The following PODXL variants were observed in gnomAD, a reference collection of about 807,000 sequenced individuals.
The protein encoded by PODXL is podocalyxin like, also known as podocalyxin.
Under a neutral mutation model 48.9 loss-of-function variants are expected in PODXL, and 20 were observed. That is an observed-to-expected ratio of 0.41 (90% CI 0.29 to 0.59). The LOEUF is 0.59. Among genes scored for constraint, PODXL ranks in the 20% least tolerant of loss-of-function variants. The pLI is 0.31. For missense variants in PODXL, 606 were observed against 675.1 expected (o/e 0.90, Z 1.13); for synonymous variants, 295 against 287.4 (o/e 1.03, Z -0.27).
chr7:131,529,590 A>T (rs1480404226), intron 1 of PODXL, among the ~76,000 whole-genome samples: 7 of 150,282 alleles, frequency 4.7e-5, no homozygotes, highest in African/African-American at 1.7e-4. Flanking sequence ...CCTGCTTACC[A>T]CCCCCAACTC....
chr7:131,504,255 T>A lies in PODXL; in HGVS notation c.*56A>T. The A allele has an allele frequency of 1.4e-6, 2 of 1,460,174 alleles. No homozygotes were observed. Among genetic ancestry groups the A allele is most frequent in the South Asian group, 1.2e-5 (1 of 86,122 alleles). 90.5% of individuals were successfully genotyped at this position (1,460,174 alleles called of 1,614,324 possible). On this transcript the variant is annotated 3_prime_UTR_variant, in exon 9 of 9. Transcript: ENST00000378555. ...TTTCCCTTCCCCATCCAAACGGCACTTGGGGTGGTTGGTCTGGAGCTCTGT... is the reference window on the plus strand; with the variant it reads ...TTTCCCTTCCCCATCCAAACGGCACATGGGGTGGTTGGTCTGGAGCTCTGT...
intron 1 of PODXL, among the ~76,000 whole-genome samples, chr7:131,522,368 C>T (rs1029712838): frequency 1.8e-4 from 28 of 152,170 alleles, no homozygotes; most frequent in African/African-American, 5.5e-4. Context: ...CGCTTGAACC[C>T]GGGAGGTGGA....
intron 5 of PODXL, among the ~76,000 whole-genome samples, chr7:131,507,294 G>T (rs147420176): frequency 4.3e-4 from 66 of 152,352 alleles, no homozygotes; most frequent in Non-Finnish European, 8.5e-4. Context: ...AGGCTGACAG[G>T]GAAGGGGCTC....
At chr7:131,531,228 G>A (rs1798275940) in intron 1 of PODXL, among the ~76,000 whole-genome samples, 1 of 152,124 alleles carries the variant, frequency 6.6e-6, no homozygotes, top group Non-Finnish European at 1.5e-5. Flanking sequence ...CTGGTCTTCT[G>A]CTCTGGAATC....
In PODXL at chr7:131,504,222, CCCCAGTCTTTCCCTT is replaced by C; in HGVS notation, c.*74_*88del. The stretch of plus-strand genomic sequence containing the variant: ...ACACCCCTCGGAGTTCACTCTCCCT[CCCCAGTCTTTCCCTT>C]CCCCATCCAAACGGCACTTGGGGTG... On this transcript the variant is annotated 3_prime_UTR_variant, in exon 9 of 9. Coordinates refer to ENST00000378555, the MANE Select transcript of PODXL (RefSeq NM_001018111.3). 9.1e-7 allele frequency: 1 copy of C among 1,095,142 alleles called. No individual in the cohort carries two copies. The highest frequency in any genetic ancestry group is 1.4e-5 in the South Asian group (1 of 71,566). The allele number at this position is 1,095,142 out of a possible 1,614,324, so 67.8% of individuals were successfully genotyped here. A position where few individuals can be genotyped will look rare whatever the true frequency, so the allele number is the denominator to read the frequency against.
intron 1 of PODXL, among the ~76,000 whole-genome samples, chr7:131,519,501 T>C (rs1014723493): frequency 7.3e-5 from 11 of 150,634 alleles, no homozygotes; most frequent in African/African-American, 2.4e-4. Context: ...ACCAAAGAAA[T>C]AGAAACCAAA....
In PODXL at chr7:131,556,278, G is replaced by A; in HGVS notation, c.82C>T (p.Pro28Ser). The change falls in exon 1 of 9, where the codon CCG becomes TCG. Residue 28 changes from proline (P) to serine (S), a missense_variant. By Grantham distance (74) the Pro-to-Ser change is moderately conservative (BLOSUM62 -1). Transcript: ENST00000378555. The stretch of plus-strand genomic sequence containing the variant: ...CACTCACCATTCTGGGAGGGCGACG[G>A]CGACGGCGACGGCGACGACGGCAGC... ...PLLPSSPSPS[P>S]SPSQNATQTT... 1 of 1,460,200 alleles carries A rather than the reference G, an allele frequency of 6.8e-7. No homozygotes were observed. Among genetic ancestry groups the A allele is most frequent in the South Asian group, 1.3e-5 (1 of 76,002 alleles). The allele number at this position is 1,460,200 out of a possible 1,614,324, so 90.5% of individuals were successfully genotyped here.
At chr7:131,549,636 G>C (rs1222973291) in intron 1 of PODXL, among the ~76,000 whole-genome samples, 1 of 152,226 alleles carries the variant, frequency 6.6e-6, no homozygotes, top group Non-Finnish European at 1.5e-5. Flanking sequence ...GTAGACCCCA[G>C]GTCAGTCCAC....
At chr7:131,537,851 C>T (rs1798404145) in intron 1 of PODXL, among the ~76,000 whole-genome samples, 1 of 152,188 alleles carries the variant, frequency 6.6e-6, no homozygotes, top group Non-Finnish European at 1.5e-5. Flanking sequence ...TTCCCTCACT[C>T]AGCTTTGCTT....
chr7:131,544,651 TGTACTACGCACGCAC>T (rs1562917776), intron 1 of PODXL, among the ~76,000 whole-genome samples: 3,952 of 24,436 alleles, frequency 0.16, 145 homozygotes, highest in African/African-American at 0.18. Context: ...ACGCACGCCC[TGTACTACGCACGCAC>T]GCCCTGTACT....
At chr7:131,533,041 A>T (rs1798309606) in intron 1 of PODXL, among the ~76,000 whole-genome samples, 1 of 152,200 alleles carries the variant, frequency 6.6e-6, no homozygotes, top group South Asian at 2.1e-4. Context: ...CAGAGCTAAG[A>T]CAAGGGGTTC....
Position 131,506,317 on chromosome 7 carries a change from C to T in PODXL, c.1254G>A (p.Lys418=). The change falls in exon 7 of 9, where the codon AAG becomes AAA. Residue 418 remains lysine, a synonymous_variant. Coordinates refer to ENST00000378555, the MANE Select transcript of PODXL (RefSeq NM_001018111.3). Reference sequence around the variant, plus strand: ...GCTCGTACACATCCTTGGCAGGGAGCTTAGCTGTGGGAGAGGGAGACGATG... The same window carrying T: ...GCTCGTACACATCCTTGGCAGGGAGTTTAGCTGTGGGAGAGGGAGACGATG... The part of the protein sequence containing the change: ...VVVKEITIHT[K]LPAKDVYERL... 1 of 1,614,196 alleles carries T rather than the reference C, an allele frequency of 6.2e-7. No homozygotes were observed. Among genetic ancestry groups the T allele is most frequent in the Non-Finnish European group, 8.5e-7 (1 of 1,180,026 alleles).
chr7:131,534,293 T>C (rs1183007266), intron 1 of PODXL, among the ~76,000 whole-genome samples: 1 of 152,182 alleles, frequency 6.6e-6, no homozygotes, highest in Non-Finnish European at 1.5e-5. Context: ...AGCCTGAACC[T>C]TCCTGGAGAA....
rs925022977 is a variant in PODXL at position 131,550,912 on chromosome 7, C to T, written c.100+5348G>A. 2.0e-5 allele frequency among the ~76,000 whole-genome samples: 3 copies of T among 152,002 alleles called. No homozygotes were observed. The East Asian group carries it at 5.8e-4, about 30-fold the overall frequency. On this transcript the variant is annotated intron_variant, in intron 1 of 8. Transcript: ENST00000378555. Reference sequence around the variant, plus strand: ...CCTGCAATCCCCCATTTGAAACAAGCAGGTTGTAGTAGATGATTTCCAGAA... The same window carrying T: ...CCTGCAATCCCCCATTTGAAACAAGTAGGTTGTAGTAGATGATTTCCAGAA...
intron 1 of PODXL, among the ~76,000 whole-genome samples, chr7:131,527,693 G>C (rs1167035502): frequency 6.6e-6 from 1 of 152,198 alleles, no homozygotes; most frequent in African/African-American, 2.4e-5. Context: ...GGGGACCAGA[G>C]ACATACGGCA....
At chr7:131,555,531 G>A (rs1798728096) in intron 1 of PODXL, among the ~76,000 whole-genome samples, 1 of 152,064 alleles carries the variant, frequency 6.6e-6, no homozygotes, top group African/African-American at 2.4e-5. Flanking sequence ...CGAGAGAGAA[G>A]TTCCCGTTTG....
At chr7:131,537,013 T>C (rs1162219765) in intron 1 of PODXL, among the ~76,000 whole-genome samples, 1 of 152,006 alleles carries the variant, frequency 6.6e-6, no homozygotes, top group Non-Finnish European at 1.5e-5. Context: ...TAGTCCCAGC[T>C]CCTCAGGAGG....
intron 5 of PODXL, among the ~76,000 whole-genome samples, chr7:131,507,260 G>A (rs1330678430): frequency 2.0e-5 from 3 of 152,252 alleles, no homozygotes; most frequent in Non-Finnish European, 2.9e-5. Context: ...CCTAGGCAGA[G>A]CCTCTGGCTC....
At chr7:131,522,471 G>A (rs1487694275) in intron 1 of PODXL, among the ~76,000 whole-genome samples, 1 of 152,114 alleles carries the variant, frequency 6.6e-6, no homozygotes, top group Non-Finnish European at 1.5e-5. Context: ...ATACAGCTGT[G>A]GGGAGCTGCA....
Sources: allele counts gnomAD v4.1 joint callset (sites outside exome capture counted in the v4.1 genomes callset), GRCh38; gene constraint gnomAD v4.1.1; transcripts MANE v1.5; gene names NCBI Gene and HGNC (gene_info 2026-07-23, HGNC 2026-07-21).